The following NCOA3 variants were observed in gnomAD, a reference collection of about 807,000 sequenced individuals.
NCOA3 encodes CBP-interacting protein.
A neutral mutation model predicts 158.8 loss-of-function variants in NCOA3; 51 were observed. The ratio of observed to expected loss-of-function variants is 0.32; its 90% CI spans 0.26 to 0.41. The LOEUF (loss-of-function observed/expected upper bound fraction) is 0.41. Ranked by LOEUF, NCOA3 falls within the 10% of genes least tolerant of loss-of-function variation. NCOA3 has a pLI of 1.00. For missense variants in NCOA3, 1,510 were observed against 1,746.6 expected, an observed-to-expected ratio of 0.86 and a Z score of 2.41; for synonymous variants, 537 against 592.4, an observed-to-expected ratio of 0.91 and a Z score of 1.36.
intron 1 of NCOA3, among the ~76,000 whole-genome samples, chr20:47,512,104 CG>C: frequency 6.6e-6 from 1 of 150,852 alleles, no homozygotes; most frequent in South Asian, 2.1e-4. Context: ...TGCTTAAAGC[CG>C]GAAGTTAAAG....
intron 17 of NCOA3, among the ~76,000 whole-genome samples, chr20:47,646,707 G>A (rs1157694222): frequency 1.3e-5 from 2 of 152,128 alleles, no homozygotes; most frequent in Non-Finnish European, 2.9e-5. Context: ...AATGAGAAGT[G>A]TTGCGAAGTA....
At chr20:47,610,518 C>T (rs2086026102) in intron 2 of NCOA3, among the ~76,000 whole-genome samples, 1 of 152,038 alleles carries the variant, frequency 6.6e-6, no homozygotes, top group South Asian at 2.1e-4. Context: ...CTGAAACTGG[C>T]CCGGAAACAT....
chr20:47,555,986 A>G (rs974578591), intron 1 of NCOA3, among the ~76,000 whole-genome samples: 2 of 126,408 alleles, frequency 1.6e-5, no homozygotes, highest in African/African-American at 6.2e-5. Context: ...TCTGTTGTCC[A>G]GGCAATGGTG....
chr20:47,597,246 A>G (rs1233710674), intron 2 of NCOA3, among the ~76,000 whole-genome samples: 1 of 152,146 alleles, frequency 6.6e-6, no homozygotes, highest in Non-Finnish European at 1.5e-5. Context: ...CTACTGTTTT[A>G]CCTTTTCTAA....
rs2084451092 is a variant in NCOA3, at chr20:47,526,437, C to T, written c.-99+24418C>T. Among the ~76,000 whole-genome samples, 4 of 151,802 alleles carry T rather than the reference C, an allele frequency of 2.6e-5. No homozygotes were observed. The South Asian group carries it at 8.4e-4, about 32-fold the overall frequency. On this transcript the variant is annotated intron_variant, in intron 1 of 22. Transcript: ENST00000371998. ...CTGGGAGGTGGAGGTTGTAGCGAGC[C>T]GAGATCACGCCACTGCACTCCAGCC... is the stretch of plus-strand genomic sequence containing the variant.
chr20:47,610,698 A>G (rs1307186936), intron 2 of NCOA3, among the ~76,000 whole-genome samples: 1 of 152,208 alleles, frequency 6.6e-6, no homozygotes, highest in Non-Finnish European at 1.5e-5. Flanking sequence ...TGCTAGAGTT[A>G]CAGATCTGCT....
At chr20:47,521,434 G>A (rs2084331706) in intron 1 of NCOA3, among the ~76,000 whole-genome samples, 1 of 152,150 alleles carries the variant, frequency 6.6e-6, no homozygotes, top group African/African-American at 2.4e-5. Flanking sequence ...ACCTGGACAA[G>A]GGAGGAGAAG....
chr20:47,623,496 GAAA>G (rs1251196875), intron 3 of NCOA3, among the ~76,000 whole-genome samples: 2 of 152,032 alleles, frequency 1.3e-5, no homozygotes, highest in African/African-American at 4.8e-5. Flanking sequence ...GTTTACATAT[GAAA>G]ATAATAGGCC....
chr20:47,640,315 C>T lies in NCOA3; in HGVS notation c.3080+264C>T, dbSNP rs1026098039. Among the ~76,000 whole-genome samples the T allele has an allele frequency of 2.0e-5, 3 of 152,198 alleles. No homozygotes were observed. In the East Asian group the frequency reaches 5.8e-4, roughly 29 times the overall value. On this transcript the variant is annotated intron_variant, in intron 16 of 22. Coordinates refer to ENST00000371998, the MANE Select transcript of NCOA3 (RefSeq NM_181659.3). ...ATTCAGTGGCCAAACCTCTGAGAGC[C>T]TCTCTGTGAGATGATTGTCTCTCTA...
chr20:47,598,366 C>T (rs1218566321), intron 2 of NCOA3, among the ~76,000 whole-genome samples: 4 of 151,338 alleles, frequency 2.6e-5, no homozygotes, highest in Non-Finnish European at 5.9e-5. Flanking sequence ...GATGGAGTTT[C>T]GCTCTGTCGC....
chr20:47,569,695 C>G (rs1282277951), intron 1 of NCOA3, among the ~76,000 whole-genome samples: 1 of 149,534 alleles, frequency 6.7e-6, no homozygotes, highest in Non-Finnish European at 1.5e-5. Context: ...ACAGCAACAA[C>G]AAAAGTCAAT....
chr20:47,634,232 C>G (rs1158346416), intron 10 of NCOA3, 37 bp downstream of exon 10: 1 of 1,565,028 alleles, frequency 6.4e-7, no homozygotes, highest in South Asian at 1.2e-5. Flanking sequence ...ATACAAAATG[C>G]AGCAGTGTTC....
intron 1 of NCOA3, among the ~76,000 whole-genome samples, chr20:47,555,069 C>G (rs72662705): frequency 0.028 from 4,237 of 152,268 alleles, 231 homozygotes; most frequent in African/African-American, 0.097. Flanking sequence ...CTACAAGTAT[C>G]TGATCTTTGA....
intron 1 of NCOA3, among the ~76,000 whole-genome samples, chr20:47,511,209 G>T (rs953598090): frequency 6.6e-6 from 1 of 151,522 alleles, no homozygotes; most frequent in Non-Finnish European, 1.5e-5. Flanking sequence ...TCAGGGTACA[G>T]CATGTTGAAG....
chr20:47,594,725 G>C (rs952485555), intron 2 of NCOA3, among the ~76,000 whole-genome samples: 2 of 145,768 alleles, frequency 1.4e-5, no homozygotes, highest in African/African-American at 5.1e-5. Context: ...TGATATTGCT[G>C]GGCACGGTGG....
intron 1 of NCOA3, among the ~76,000 whole-genome samples, chr20:47,533,934 A>G (rs556793376): frequency 9.2e-5 from 14 of 152,300 alleles, no homozygotes; most frequent in South Asian, 2.1e-4. Context: ...TCCAAAAACA[A>G]AAACAAACGA....
chr20:47,604,786 C>T (rs1204363521), intron 2 of NCOA3, among the ~76,000 whole-genome samples: 1 of 152,124 alleles, frequency 6.6e-6, no homozygotes, highest in Non-Finnish European at 1.5e-5. Context: ...AAACCAATTT[C>T]AAGATTTTTA....
At chr20:47,522,508 G>A (rs959829459) in intron 1 of NCOA3, among the ~76,000 whole-genome samples, 2 of 151,508 alleles carry the variant, frequency 1.3e-5, no homozygotes, top group Admixed American at 1.3e-4. Context: ...GAAGGAGGGG[G>A]GCTCCAAAAC....
intron 1 of NCOA3, among the ~76,000 whole-genome samples, chr20:47,519,442 AATG>A (rs955444712): frequency 1.2e-4 from 18 of 152,118 alleles, no homozygotes; most frequent in Non-Finnish European, 2.5e-4. Flanking sequence ...AAAAAAAAAA[AATG>A]ATATTTTTAG....
Sources: allele counts gnomAD v4.1 joint callset (sites outside exome capture counted in the v4.1 genomes callset), GRCh38; gene constraint gnomAD v4.1.1; transcripts MANE v1.5; gene names NCBI Gene and HGNC (gene_info 2026-07-23, HGNC 2026-07-21).